DMBT1: variants seen among roughly 807,000 people sequenced by gnomAD.
The protein encoded by DMBT1 is deleted in malignant brain tumors 1.
Under a neutral mutation model 252.9 loss-of-function variants are expected in DMBT1, and 198 were observed. That is an observed-to-expected ratio of 0.78 (90% confidence interval 0.70 to 0.88). DMBT1 has a LOEUF of 0.88. Ranked by LOEUF, DMBT1 falls within the 40% of genes least tolerant of loss-of-function variation. The probability of loss-of-function intolerance (pLI) is 0.00; values close to 1 mark genes in which losing one functional copy is unlikely to be tolerated. For missense variants in DMBT1, 2,432 were observed against 2,404.7 expected (o/e 1.01, Z -0.24); for synonymous variants, 990 against 942.7 (o/e 1.05, Z -0.92).
rs1364604628 is a variant in DMBT1 at position 122,637,263 on chromosome 10, A to C, written c.6893A>C (p.Asn2298Thr). 1.9e-6 allele frequency: 3 copies of C among 1,613,790 alleles called. No homozygotes were observed. In the African/African-American group the frequency reaches 4.0e-5, roughly 22 times the overall value. ...YYECRPQITP[N>T]LVIFTIPYSG... ...GAGTGTCGGCCCCAGATAACGCCGA[A>C]CCTGGTGATATTCACAATTCCCTAC... The change falls in exon 54 of 56, where the codon AAC (asparagine) becomes ACC (threonine). Residue 2298 changes from asparagine to threonine, a missense_variant. This residue lies in a region of DMBT1 where 1,162 missense variants were observed against 1,169.0 expected (regional missense o/e 0.99). Transcript: ENST00000338354.
chr10:122,576,585 T>A lies in DMBT1; in HGVS notation c.470T>A (p.Phe157Tyr). 1 of 1,613,902 alleles carries A rather than the reference T, an allele frequency of 6.2e-7. No individual in the cohort carries two copies. Among genetic ancestry groups the A allele is most frequent in the Non-Finnish European group, 8.5e-7 (1 of 1,179,826 alleles). ...WAMSAPGNAW[F>Y]GQGSGPIALD... ...ATGTCAGCTCCAGGAAATGCCTGGT[T>A]TGGCCAGGGCTCAGGACCCATTGCC... Residue 157 changes from phenylalanine to tyrosine, a missense_variant, in exon 7 of 56, where the codon TTT becomes TAT. Transcript: ENST00000338354.
In DMBT1 at chr10:122,581,473, C is replaced by T. The variant is rs2097768094; in HGVS notation, c.1034-320C>T. ...CCCCTAACATTTTACCTGGCAGTGT[C>T]CGAGCTTCAGCAATGGCGTCTGATG... On this transcript the variant is annotated intron_variant, in intron 11 of 55. Coordinates refer to ENST00000338354, the MANE Select transcript of DMBT1 (RefSeq NM_001377530.1). Among the ~76,000 whole-genome samples, 2 of 149,764 alleles carry T rather than the reference C, an allele frequency of 1.3e-5. 1 individual carries two copies. The highest frequency in any genetic ancestry group is 5.0e-5 in the African/African-American group (2 of 39,790).
chr10:122,578,934 G>T lies in DMBT1; in HGVS notation c.679+175G>T, dbSNP rs150654927. On this transcript the variant is annotated intron_variant, in intron 9 of 55. Coordinates refer to ENST00000338354, the MANE Select transcript of DMBT1 (RefSeq NM_001377530.1). Reference sequence around the variant, plus strand: ...AGAGTCAGCTCGGCACTGGGAACAAGAGCAGGACCTCCCAGAAGATCATTA... The same window carrying T: ...AGAGTCAGCTCGGCACTGGGAACAATAGCAGGACCTCCCAGAAGATCATTA... Among the ~76,000 whole-genome samples, 107 of 152,266 alleles carry T rather than the reference G, an allele frequency of 7.0e-4. 1 individual carries two copies. The highest frequency in any genetic ancestry group is 5.6e-3 in the East Asian group (29 of 5,168).
At chr10:122,564,243 T>G (rs1024497763) in intron 1 of DMBT1, among the ~76,000 whole-genome samples, 2 of 152,192 alleles carry the variant, frequency 1.3e-5, no homozygotes, top group Admixed American at 6.5e-5. Flanking sequence ...ACTGGCCTGT[T>G]GGTTCCATTA....
rs752144966 is a variant in DMBT1, at chr10:122,570,138, A to C, written c.92-24A>C. 1.9e-6 allele frequency: 3 copies of C among 1,583,326 alleles called. No individual in the cohort carries two copies. The African/African-American group carries it at 4.0e-5, about 21-fold the overall frequency. ...CCCCAAGCAAGGGCTACCATCAATG[A>C]GCTCTTCCTTTTCCACCTCGCAGCT... On this transcript the variant is annotated intron_variant, in intron 2 of 55. Transcript: ENST00000338354.
Position 122,631,280 on chromosome 10 carries a change from A to G in DMBT1, c.6345A>G (p.Ser2115=). Residue 2115 remains serine (S), a splice_region_variant and synonymous_variant, in exon 49 of 56, where the codon TCA becomes TCG. Coordinates refer to ENST00000338354, the MANE Select transcript of DMBT1 (RefSeq NM_001377530.1). ...GTGAAGATGCTGGTGTCATCTGCTC[A>G]GGTATGGCCCAATGCCATGGAAGGC... The part of the protein sequence containing the change: ...NHREDAGVIC[S]GNHLSTPAPF... The G allele has an allele frequency of 1.9e-6, 3 of 1,612,796 alleles. No individual in the cohort carries two copies. Among genetic ancestry groups the G allele is most frequent in the Non-Finnish European group, 2.5e-6 (3 of 1,178,854 alleles).
chr10:122,568,616 A>G (rs1206778947), intron 2 of DMBT1, among the ~76,000 whole-genome samples: 3 of 152,152 alleles, frequency 2.0e-5, no homozygotes, highest in Non-Finnish European at 4.4e-5. Context: ...AGGCTGGTGA[A>G]TGGAGGTGAC....
intron 16 of DMBT1, among the ~76,000 whole-genome samples, chr10:122,587,043 G>A (rs28379058): frequency 0.019 from 2,847 of 148,180 alleles, 14 homozygotes; most frequent in African/African-American, 0.066. Flanking sequence ...TGAAGAGTTG[G>A]CCTTCATGAC....
rs199575931 is a variant in DMBT1, at chr10:122,586,225, T to C, written c.1625T>C (p.Leu542Ser). The stretch of plus-strand genomic sequence containing the variant: ...CAGCTGGGCTGTGGCTGGGCCATGT[T>C]GGCCCCAGGAAATGCCCGGTTTGGT... ...CRQLGCGWAM[L>S]APGNARFGQG... is the part of the protein sequence containing the mutation. Residue 542 changes from leucine to serine, a missense_variant, in exon 16 of 56, where the codon TTG (leucine) becomes TCG (serine). Physicochemically the swap from Leu to Ser is moderately radical, Grantham distance 145. Transcript: ENST00000338354. The C allele has an allele frequency of 1.3e-4, 211 of 1,589,010 alleles. 26 individuals are homozygous for C. The highest frequency in any genetic ancestry group is 5.2e-4 in the South Asian group (45 of 87,002).
rs909330297 is a variant in DMBT1, at chr10:122,631,141, A to G, written c.6206A>G (p.Tyr2069Cys). ...GRAVSALGNA[Y>C]FGSGSGPITL... ...GCAGTTTCAGCCCTTGGAAATGCAT[A>G]TTTTGGCTCTGGCTCTGGCCCCATC... is the stretch of plus-strand genomic sequence containing the variant. The change falls in exon 49 of 56, where the codon TAT becomes TGT. Residue 2069 changes from tyrosine (Y) to cysteine (C), a missense_variant. Transcript: ENST00000338354. 3.1e-6 allele frequency: 5 copies of G among 1,613,902 alleles called. No individual in the cohort carries two copies. In the East Asian group the frequency reaches 1.1e-4, roughly 36 times the overall value.
chr10:122,637,253 A>G lies in DMBT1; in HGVS notation c.6883A>G (p.Ile2295Val). 6.2e-7 allele frequency: 1 copy of G among 1,614,010 alleles called. No individual in the cohort carries two copies. Among genetic ancestry groups the G allele is most frequent in the Non-Finnish European group, 8.5e-7 (1 of 1,179,890 alleles). Residue 2295 changes from isoleucine to valine, a missense_variant, in exon 54 of 56, where the codon ATA becomes GTA. Ile to Val is a conservative substitution (Grantham distance 29, BLOSUM62 3). Coordinates refer to ENST00000338354, the MANE Select transcript of DMBT1 (RefSeq NM_001377530.1). ...WNGYYECRPQ[I>V]TPNLVIFTIP... is the part of the protein sequence containing the mutation. ...TGGATACTACGAGTGTCGGCCCCAG[A>G]TAACGCCGAACCTGGTGATATTCAC...
chr10:122,599,635 T>A (rs1480752876), intron 26 of DMBT1, among the ~76,000 whole-genome samples: 14 of 152,192 alleles, frequency 9.2e-5, no homozygotes, highest in Non-Finnish European at 1.3e-4. Context: ...AGATCACTGC[T>A]GAGCATTGCC....
chr10:122,570,209 G>A lies in DMBT1; in HGVS notation c.139G>A (p.Gly47Ser), dbSNP rs576284976. The A allele has an allele frequency of 1.1e-5, 17 of 1,584,212 alleles. No individual in the cohort carries two copies. In the East Asian group the frequency reaches 1.1e-4, roughly 10 times the overall value. Residue 47 changes from glycine to serine, a missense_variant and splice_region_variant, in exon 3 of 56, where the codon GGT becomes AGT. By Grantham distance (56) the Gly-to-Ser change is moderately conservative (BLOSUM62 0). Around this residue, in one of 3 missense-constraint regions of DMBT1, gnomAD observed 1,264 missense variants for 1,082.2 expected, o/e 1.17. Transcript: ENST00000338354. ...GCCCTTGGATCCAACTGTAGCAGAAGGTAAGGTCTATTATGGGGGAACCCT... is the reference window on the plus strand; with the variant it reads ...GCCCTTGGATCCAACTGTAGCAGAAAGTAAGGTCTATTATGGGGGAACCCT... Reference protein sequence around the residue: ...EVPLDPTVAEGSPFPSESTLE... With the variant: ...EVPLDPTVAESSPFPSESTLE...
chr10:122,566,496 G>C (rs1243968666), intron 2 of DMBT1, among the ~76,000 whole-genome samples: 5 of 151,922 alleles, frequency 3.3e-5, no homozygotes, highest in African/African-American at 1.2e-4. Context: ...ATTTTTAGTA[G>C]AGATGGGGTT....
intron 41 of DMBT1, 111 bp downstream of exon 41, chr10:122,618,451 T>C: frequency 6.4e-7 from 1 of 1,557,510 alleles, no homozygotes; most frequent in East Asian, 2.3e-5. Context: ...GTTTTCTATA[T>C]TTCTGAAGTC....
intron 46 of DMBT1, 22 bp downstream of exon 46, chr10:122,625,987 T>G: frequency 6.3e-7 from 1 of 1,596,728 alleles, no homozygotes; most frequent in Non-Finnish European, 8.6e-7. Context: ...ATTTTCTACC[T>G]GAACCATAGG....
chr10:122,636,236 G>A (rs932709991), intron 53 of DMBT1, 37 bp downstream of exon 53: 11 of 1,555,210 alleles, frequency 7.1e-6, no homozygotes, highest in Admixed American at 1.7e-5. Flanking sequence ...TTGGGACTGG[G>A]GACATCCTGA....
chr10:122,573,823 C>T, intron 6 of DMBT1, 61 bp downstream of exon 6: 4 of 1,585,072 alleles, frequency 2.5e-6, no homozygotes, highest in Non-Finnish European at 3.5e-6. Flanking sequence ...CTAGGTTAAT[C>T]TCTGATTCAG....
chr10:122,593,272 A>C (rs2097865452), intron 20 of DMBT1, among the ~76,000 whole-genome samples: 1 of 148,388 alleles, frequency 6.7e-6, no homozygotes, highest in African/African-American at 2.4e-5. Flanking sequence ...TGGCTTCCTC[A>C]GCCTTGCTGA....
Sources: gnomAD v4.1 joint callset for allele counts (sites outside exome capture counted in the v4.1 genomes callset) on GRCh38, gnomAD v4.1.1 for gene constraint, gnomAD v4.1.1 regional missense constraint, MANE v1.5 for transcripts, NCBI Gene and HGNC (gene_info 2026-07-23, HGNC 2026-07-21) for gene names.